Variants in SMAD5 observed in about 807,000 individuals in gnomAD.
SMAD5 encodes MAD, mothers against decapentaplegic homolog 5.
In SMAD5, 9 loss-of-function variants were observed where a neutral mutation model predicts 43.1. The ratio of observed to expected loss-of-function variants is 0.21; its 90% CI spans 0.13 to 0.36. The LOEUF is 0.36. Ranked by LOEUF, SMAD5 falls within the 10% of genes least tolerant of loss-of-function variation. The pLI is 1.00. For missense variants in SMAD5, 348 were observed against 574.0 expected (o/e 0.61, Z 4.02); for synonymous variants, 190 against 192.4 (o/e 0.99, Z 0.10).
chr5:136,138,990 T>C (rs1408403590), intron 1 of SMAD5, among the ~76,000 whole-genome samples: 1 of 152,236 alleles, frequency 6.6e-6, no homozygotes, highest in Non-Finnish European at 1.5e-5. Context: ...GATTTTGTTT[T>C]GGCCAATAGT....
At chr5:136,148,459 T>A (rs17749249) in intron 2 of SMAD5, among the ~76,000 whole-genome samples, 16,157 of 151,832 alleles carry the variant, frequency 0.11, 1,141 homozygotes, top group Non-Finnish European at 0.16. Context: ...AACTCATACA[T>A]ATAAAACATG....
intron 3 of SMAD5, among the ~76,000 whole-genome samples, chr5:136,156,541 CAGTT>C (rs1446638378): frequency 6.6e-6 from 1 of 152,088 alleles, no homozygotes; most frequent in Non-Finnish European, 1.5e-5. Flanking sequence ...TGTCTTTAGA[CAGTT>C]GGTATGATAT....
At chr5:136,164,354 T>C (rs972089253) in intron 5 of SMAD5, among the ~76,000 whole-genome samples, 2 of 152,210 alleles carry the variant, frequency 1.3e-5, no homozygotes, top group Admixed American at 6.5e-5. Flanking sequence ...TTTTACATTC[T>C]CACCAGCAAA....
intron 4 of SMAD5, among the ~76,000 whole-genome samples, chr5:136,162,292 C>T (rs978940173): frequency 2.6e-5 from 4 of 152,170 alleles, no homozygotes; most frequent in African/African-American, 9.7e-5. Context: ...GGAGAATGTT[C>T]AGACTCACAC....
chr5:136,171,369 T>G (rs944990875), intron 5 of SMAD5, among the ~76,000 whole-genome samples: 2 of 152,222 alleles, frequency 1.3e-5, no homozygotes, highest in Non-Finnish European at 1.5e-5. Context: ...GAAAAACAAT[T>G]AAAAATGTGT....
chr5:136,153,692 A>G lies in SMAD5; in HGVS notation c.-69A>G, dbSNP rs1026326608. 2 of 1,333,140 alleles carry G rather than the reference A, an allele frequency of 1.5e-6. No individual in the cohort carries two copies. Among genetic ancestry groups the G allele is most frequent in the African/African-American group, 1.5e-5 (1 of 67,814 alleles). The allele number at this position is 1,333,140 out of a possible 1,614,324, so 82.6% of individuals were successfully genotyped here. A position where few individuals can be genotyped will look rare whatever the true frequency, so the allele number is the denominator to read the frequency against. ...GCTTAGGACCTGTGTATGACGTTTC[A>G]CCTGTGATCTGTTCTTTCGGTAGCC... On this transcript the variant is annotated 5_prime_UTR_variant, in exon 3 of 8. Transcript: ENST00000545279.
intron 5 of SMAD5, among the ~76,000 whole-genome samples, chr5:136,164,840 A>C (rs565822229): frequency 6.6e-6 from 1 of 152,150 alleles, no homozygotes; most frequent in Non-Finnish European, 1.5e-5. Context: ...TAGAAGTTCT[A>C]TAGTTTTAGC....
intron 5 of SMAD5, among the ~76,000 whole-genome samples, chr5:136,171,382 T>C (rs1234763327): frequency 6.6e-6 from 1 of 152,264 alleles, no homozygotes; most frequent in Non-Finnish European, 1.5e-5. Context: ...AAATGTGTTG[T>C]TGCTGCTATG....
intron 3 of SMAD5, among the ~76,000 whole-genome samples, chr5:136,159,877 G>A (rs563738204): frequency 1.8e-4 from 27 of 152,328 alleles, no homozygotes; most frequent in Middle Eastern, 3.4e-3. Context: ...GACTTAGGTA[G>A]CTTAAAAACA....
intron 1 of SMAD5, chr5:136,147,405 A>G (rs952941047): frequency 1.5e-4 from 22 of 151,454 alleles, no homozygotes; most frequent in African/African-American, 5.1e-4. Flanking sequence ...CAATCTTATG[A>G]TAATATTTAA....
chr5:136,161,658 G>C (rs1753829497), intron 4 of SMAD5, among the ~76,000 whole-genome samples: 1 of 152,198 alleles, frequency 6.6e-6, no homozygotes. Flanking sequence ...CTGATGAACT[G>C]ATTTCACTGG....
intron 4 of SMAD5, 89 bp from the exon 5 acceptor site, chr5:136,163,183 T>G (rs1753880280): frequency 1.1e-5 from 12 of 1,138,760 alleles, no homozygotes. Context: ...TAATGAAGCT[T>G]GCTGGTAATC....
In SMAD5 at chr5:136,178,170, A is replaced by G. The variant is rs1281218907; in HGVS notation, c.*690A>G. 2 of 152,676 alleles carry G rather than the reference A, an allele frequency of 1.3e-5. No individual in the cohort carries two copies. The highest frequency in any genetic ancestry group is 2.9e-5 in the Non-Finnish European group (2 of 68,050). 9.5% of individuals were successfully genotyped at this position (152,676 alleles called of 1,614,324 possible). A position where few individuals can be genotyped will look rare whatever the true frequency, so the allele number is the denominator to read the frequency against. The stretch of plus-strand genomic sequence containing the variant: ...TTCCTTTTTTAAAAAAATTTTTGCA[A>G]ATAACTGATCTCAAGTATATGTCAT... On this transcript the variant is annotated 3_prime_UTR_variant, in exon 8 of 8. Coordinates refer to ENST00000545279, the MANE Select transcript of SMAD5 (RefSeq NM_005903.7).
intron 5 of SMAD5, among the ~76,000 whole-genome samples, chr5:136,164,985 A>G (rs780769921): frequency 1.7e-3 from 261 of 152,082 alleles, no homozygotes; most frequent in Non-Finnish European, 2.7e-3. Context: ...TTCTTTGTTG[A>G]ATTAACATCT....
At chr5:136,176,538 G>T (rs1345084840) in intron 7 of SMAD5, among the ~76,000 whole-genome samples, 1 of 144,154 alleles carries the variant, frequency 6.9e-6, no homozygotes, top group African/African-American at 2.5e-5. Context: ...TTTTGATTTT[G>T]ATTTTTTATA....
Position 136,174,363 on chromosome 5 carries a change from T to G in SMAD5, c.998-13T>G. The G allele has an allele frequency of 1.2e-6, 2 of 1,609,028 alleles. No homozygotes were observed. Among genetic ancestry groups the G allele is most frequent in the Admixed American group, 1.7e-5 (1 of 59,954 alleles). On this transcript the variant is annotated splice_polypyrimidine_tract_variant and intron_variant, in intron 6 of 7. Transcript: ENST00000545279. ...TTCTTTTAGCTGACTCTTGTGATGTTTGTCTTTTTAAGGTGTTCATCTGTA... is the reference window on the plus strand; with the variant it reads ...TTCTTTTAGCTGACTCTTGTGATGTGTGTCTTTTTAAGGTGTTCATCTGTA...
intron 2 of SMAD5, among the ~76,000 whole-genome samples, chr5:136,150,275 A>T (rs191156944): frequency 3.3e-5 from 5 of 151,980 alleles, no homozygotes; most frequent in African/African-American, 1.2e-4. Flanking sequence ...TCTACTGACA[A>T]AGCTGCCTTC....
In SMAD5 at chr5:136,180,483, A is replaced by G. The variant is rs886570556; in HGVS notation, c.*3003A>G. 1 of 152,160 alleles carries G rather than the reference A, an allele frequency of 6.6e-6. No homozygotes were observed. The highest frequency in any genetic ancestry group is 1.5e-5 in the Non-Finnish European group (1 of 67,966). The allele number at this position is 152,160 out of a possible 1,614,324, so 9.4% of individuals were successfully genotyped here. A position where few individuals can be genotyped will look rare whatever the true frequency, so the allele number is the denominator to read the frequency against. On this transcript the variant is annotated 3_prime_UTR_variant, in exon 8 of 8. Coordinates refer to ENST00000545279, the MANE Select transcript of SMAD5 (RefSeq NM_005903.7). Reference sequence around the variant, plus strand: ...AACAAAAAGATATTGATTGGCAAAAAGCAAGATATAAGAGATTCATTTGCT... The same window carrying G: ...AACAAAAAGATATTGATTGGCAAAAGGCAAGATATAAGAGATTCATTTGCT...
chr5:136,164,401 C>A (rs763623350), intron 5 of SMAD5, among the ~76,000 whole-genome samples: 1 of 152,158 alleles, frequency 6.6e-6, no homozygotes, highest in African/African-American at 2.4e-5. Flanking sequence ...CCTCCTAACA[C>A]CTGTTATTGT....
Sources: allele counts gnomAD v4.1 joint callset (sites outside exome capture counted in the v4.1 genomes callset), GRCh38; gene constraint gnomAD v4.1.1; transcripts MANE v1.5; gene names NCBI Gene and HGNC (gene_info 2026-07-23, HGNC 2026-07-21).